Variants in GRIA1 observed in about 807,000 individuals in gnomAD.
The protein encoded by GRIA1 is glutamate ionotropic receptor AMPA type subunit 1.
GRIA1 carries 31 observed loss-of-function variants against 99.2 expected under a neutral mutation model. The observed-to-expected ratio is 0.31, with a 90% CI of 0.23 to 0.42. GRIA1 has a LOEUF of 0.42. GRIA1 is among the 10% of genes least tolerant of loss of function. The probability of loss-of-function intolerance (pLI) is 1.00; values close to 1 mark genes in which losing one functional copy is unlikely to be tolerated. For synonymous variants in GRIA1, 438 were observed against 432.4 expected (o/e 1.01, Z -0.16); for missense variants, 782 against 1,157.5 (o/e 0.68, Z 4.71).
At chr5:153,670,978 A>G (rs1426934377) in intron 5 of GRIA1, among the ~76,000 whole-genome samples, 2 of 152,224 alleles carry the variant, frequency 1.3e-5, no homozygotes, top group Non-Finnish European at 2.9e-5. Context: ...GATGTCAGCT[A>G]TTAGATGAGA....
At chr5:153,756,209 T>C (rs1762816565) in intron 11 of GRIA1, among the ~76,000 whole-genome samples, 1 of 152,228 alleles carries the variant, frequency 6.6e-6, no homozygotes, top group Non-Finnish European at 1.5e-5. Flanking sequence ...ACCTCTGTGA[T>C]GGCCAAGAAG....
chr5:153,749,200 TG>T (rs1281662834), intron 11 of GRIA1, among the ~76,000 whole-genome samples: 2 of 152,172 alleles, frequency 1.3e-5, no homozygotes, highest in African/African-American at 4.8e-5. Flanking sequence ...ATCATCATTA[TG>T]AGTAACATCT....
intron 2 of GRIA1, among the ~76,000 whole-genome samples, chr5:153,591,993 G>T (rs143252308): frequency 2.8e-4 from 43 of 152,162 alleles, no homozygotes; most frequent in African/African-American, 1.0e-3. Context: ...GCAAATGACT[G>T]ATTTCAAAAG....
intron 5 of GRIA1, among the ~76,000 whole-genome samples, chr5:153,659,462 A>C (rs1755201274): frequency 6.6e-6 from 1 of 152,178 alleles, no homozygotes; most frequent in African/African-American, 2.4e-5. Context: ...TCCAAACCCT[A>C]ACACTGACTG....
intron 2 of GRIA1, 147 bp from the exon 3 acceptor site, chr5:153,646,781 T>G: frequency 3.8e-6 from 3 of 792,500 alleles, no homozygotes; most frequent in East Asian, 2.5e-5. Flanking sequence ...AATGGATGGA[T>G]TGGTTTGTTG....
chr5:153,563,593 C>T (rs1361352161), intron 2 of GRIA1, among the ~76,000 whole-genome samples: 4 of 152,210 alleles, frequency 2.6e-5, no homozygotes, highest in Non-Finnish European at 5.9e-5. Context: ...TCTGCTGCTT[C>T]CACCTCCCAC....
rs1455626084 is a variant in GRIA1 at position 153,686,435 on chromosome 5, A to C, written c.1134+106A>C. 3 of 730,218 alleles carry C rather than the reference A, an allele frequency of 4.1e-6. No homozygotes were observed. In the South Asian group the frequency reaches 5.4e-5, roughly 13 times the overall value. 45.2% of individuals were successfully genotyped at this position (730,218 alleles called of 1,614,324 possible). ...CACCTTTTCTGGACTGGATCTTTGA[A>C]GAAACTCAGACAACACAGATTCTAG... On this transcript the variant is annotated intron_variant, in intron 8 of 15. Transcript: ENST00000285900.
At chr5:153,500,481 G>GA (rs1234028789) in intron 2 of GRIA1, among the ~76,000 whole-genome samples, 4 of 152,034 alleles carry the variant, frequency 2.6e-5, no homozygotes, top group African/African-American at 7.2e-5. Flanking sequence ...TAGAAATTGA[G>GA]AAAAATAAAA....
chr5:153,514,774 C>T (rs1756449723), intron 2 of GRIA1, among the ~76,000 whole-genome samples: 1 of 151,456 alleles, frequency 6.6e-6, no homozygotes, highest in Admixed American at 6.6e-5. Flanking sequence ...AATTAATAAC[C>T]CTATTAAAAA....
At chr5:153,738,789 C>A (rs950171312) in intron 11 of GRIA1, among the ~76,000 whole-genome samples, 2 of 136,170 alleles carry the variant, frequency 1.5e-5, no homozygotes. Flanking sequence ...ATGGTGCGAT[C>A]TCGGCTCACC....
At chr5:153,528,738 A>G (rs1757834023) in intron 2 of GRIA1, among the ~76,000 whole-genome samples, 1 of 152,172 alleles carries the variant, frequency 6.6e-6, no homozygotes, top group Non-Finnish European at 1.5e-5. Flanking sequence ...GTCTCCTCTC[A>G]TAGTAGACAT....
At chr5:153,565,753 C>T (rs1761555939) in intron 2 of GRIA1, among the ~76,000 whole-genome samples, 1 of 151,904 alleles carries the variant, frequency 6.6e-6, no homozygotes, top group African/African-American at 2.4e-5. Flanking sequence ...TTTCAAGGTT[C>T]ATTCATGTCT....
At chr5:153,762,638 G>T (rs554619863) in intron 11 of GRIA1, among the ~76,000 whole-genome samples, 3 of 152,250 alleles carry the variant, frequency 2.0e-5, no homozygotes, top group East Asian at 3.9e-4. Flanking sequence ...GGAAGCAACT[G>T]GTCCCTAACC....
chr5:153,514,117 A>G (rs1451561492), intron 2 of GRIA1, among the ~76,000 whole-genome samples: 1 of 152,204 alleles, frequency 6.6e-6, no homozygotes, highest in Non-Finnish European at 1.5e-5. Flanking sequence ...CTGGCTGTGT[A>G]GGTGGCAAGC....
chr5:153,687,243 G>A (rs2149498234), intron 8 of GRIA1, among the ~76,000 whole-genome samples: 1 of 152,302 alleles, frequency 6.6e-6, no homozygotes, highest in Admixed American at 6.5e-5. Flanking sequence ...ATGGCGTAGA[G>A]CTGGTAGGGT....
intron 2 of GRIA1, among the ~76,000 whole-genome samples, chr5:153,536,597 G>T (rs1758597147): frequency 6.6e-6 from 1 of 152,130 alleles, no homozygotes. Context: ...GTGTTGAATA[G>T]AATCCATTAA....
chr5:153,810,937 GATTTAC>G, intron 15 of GRIA1, 82 bp from the exon 16 acceptor site: 1 of 913,790 alleles, frequency 1.1e-6, no homozygotes. Context: ...AGCAGAGTTG[GATTTAC>G]ATTTGAAGTC....
intron 5 of GRIA1, among the ~76,000 whole-genome samples, chr5:153,662,987 C>G (rs1323289163): frequency 2.0e-5 from 3 of 152,180 alleles, no homozygotes; most frequent in African/African-American, 7.2e-5. Flanking sequence ...TGTTCGGTAA[C>G]AGACACTGTG....
intron 2 of GRIA1, among the ~76,000 whole-genome samples, chr5:153,559,265 G>A (rs921074151): frequency 5.3e-5 from 8 of 152,144 alleles, no homozygotes; most frequent in Non-Finnish European, 1.0e-4. Context: ...AGTACAGTAC[G>A]TGAGGCTTTC....
Sources: gnomAD v4.1 joint callset for allele counts (sites outside exome capture counted in the v4.1 genomes callset) on GRCh38, gnomAD v4.1.1 for gene constraint, MANE v1.5 for transcripts, NCBI Gene and HGNC (gene_info 2026-07-23, HGNC 2026-07-21) for gene names.